The following CYP19A1 variants were observed in gnomAD, a reference collection of about 807,000 sequenced individuals.
The protein encoded by CYP19A1 is cytochrome P450 family 19 subfamily A member 1, also known as aromatase.
In CYP19A1, 32 loss-of-function variants were observed where a neutral mutation model predicts 44.4. The observed-to-expected ratio is 0.72, with a 90% CI of 0.54 to 0.97. The LOEUF (loss-of-function observed/expected upper bound fraction) is 0.97, where lower values mean the gene tolerates loss of function less well. CYP19A1 is among the 50% of genes least tolerant of loss of function. The probability of loss-of-function intolerance (pLI) is 0.00; values close to 1 mark genes in which losing one functional copy is unlikely to be tolerated. For synonymous variants in CYP19A1, 212 were observed against 215.6 expected, an observed-to-expected ratio of 0.98 and a Z score of 0.14; for missense variants, 598 against 637.8, an observed-to-expected ratio of 0.94 and a Z score of 0.67.
intron 1 of CYP19A1, chr15:51,255,614 G>A (rs1203927356): frequency 6.6e-6 from 1 of 152,210 alleles, no homozygotes; most frequent in Non-Finnish European, 1.5e-5. Context: ...TGCTGGAATG[G>A]AAACTGTCCA....
At chr15:51,225,390 A>G (rs967516756) in intron 4 of CYP19A1, among the ~76,000 whole-genome samples, 1 of 152,246 alleles carries the variant, frequency 6.6e-6, no homozygotes, top group African/African-American at 2.4e-5. Flanking sequence ...AGTCAAATGT[A>G]CATTTCTACG....
At chr15:51,221,424 T>C (rs2032066888) in intron 5 of CYP19A1, 1 of 152,154 alleles carries the variant, frequency 6.6e-6, no homozygotes, top group South Asian at 2.1e-4. Flanking sequence ...ACTTTCCAGG[T>C]TAGTGTGTGG....
chr15:51,270,975 A>C (rs1009029786), intron 1 of CYP19A1, among the ~76,000 whole-genome samples: 1 of 151,808 alleles, frequency 6.6e-6, no homozygotes, highest in African/African-American at 2.4e-5. Context: ...GTTCCTCCCA[A>C]ATTGCTTTCT....
At chr15:51,241,084 A>G (rs1396713277) in intron 2 of CYP19A1, among the ~76,000 whole-genome samples, 1 of 152,196 alleles carries the variant, frequency 6.6e-6, no homozygotes, top group Non-Finnish European at 1.5e-5. Flanking sequence ...TCACTGTGCT[A>G]CTTGATCTGA....
chr15:51,209,776 T>TTTG lies in CYP19A1; in HGVS notation c.*1031_*1032insCAA, dbSNP rs2030751143. Reference sequence around the variant, plus strand: ...TCTGTTGCCCTTGGCTTTGGGGTCATGGGAAGAAAGAGGGAGAAAATGTCG... The same window carrying TTTG: ...TCTGTTGCCCTTGGCTTTGGGGTCATTTGGGGAAGAAAGAGGGAGAAAATGTCG... On this transcript the variant is annotated 3_prime_UTR_variant, in exon 10 of 10. Transcript: ENST00000396402. The TTTG allele has an allele frequency of 1.3e-5, 2 of 153,364 alleles. No individual in the cohort carries two copies. Among genetic ancestry groups the TTTG allele is most frequent in the African/African-American group, 4.8e-5 (2 of 41,384 alleles). 9.5% of individuals were successfully genotyped at this position (153,364 alleles called of 1,614,324 possible). A position where few individuals can be genotyped will look rare whatever the true frequency, so the allele number is the denominator to read the frequency against.
At chr15:51,265,127 A>G (rs2034869848) in intron 1 of CYP19A1, among the ~76,000 whole-genome samples, 1 of 152,176 alleles carries the variant, frequency 6.6e-6, no homozygotes, top group African/African-American at 2.4e-5. Flanking sequence ...AACTGGGCCT[A>G]ACTTCCCAAG....
intron 1 of CYP19A1, among the ~76,000 whole-genome samples, chr15:51,256,916 TG>T (rs1361610688): frequency 6.6e-6 from 1 of 152,198 alleles, no homozygotes; most frequent in Non-Finnish European, 1.5e-5. Flanking sequence ...AGATGATGGG[TG>T]GGCAGTGGGT....
rs56031622 is a variant in CYP19A1, at chr15:51,286,676, C to T, written c.-38-43726G>A. ...TGAGTACCCCCTTAAGAAGATACCACCACCTCCTCCATTCTACTCTCACCC... is the reference window on the plus strand; with the variant it reads ...TGAGTACCCCCTTAAGAAGATACCATCACCTCCTCCATTCTACTCTCACCC... On this transcript the variant is annotated intron_variant, in intron 1 of 9. Coordinates refer to ENST00000396402, the MANE Select transcript of CYP19A1 (RefSeq NM_000103.4). Among the ~76,000 whole-genome samples, 204 of 152,302 alleles carry T rather than the reference C, an allele frequency of 1.3e-3. No homozygotes were observed. In the Middle Eastern group the frequency reaches 0.014, roughly 10 times the overall value.
chr15:51,334,279 G>A (rs181476202), intron 1 of CYP19A1, among the ~76,000 whole-genome samples: 1 of 152,310 alleles, frequency 6.6e-6, no homozygotes, highest in Admixed American at 6.5e-5. Context: ...GAACGTTGAT[G>A]AGGTTTCAAC....
chr15:51,303,887 A>C (rs2036163021), intron 1 of CYP19A1, among the ~76,000 whole-genome samples: 1 of 152,194 alleles, frequency 6.6e-6, no homozygotes, highest in Admixed American at 6.5e-5. Flanking sequence ...GCTGAGGATG[A>C]TACATGGGAC....
intron 1 of CYP19A1, among the ~76,000 whole-genome samples, chr15:51,307,193 G>A (rs2036231426): frequency 6.6e-6 from 1 of 152,206 alleles, no homozygotes; most frequent in South Asian, 2.1e-4. Context: ...GTTTGGATTG[G>A]TGGCAGGGAG....
chr15:51,230,174 T>C (rs2032916624), intron 3 of CYP19A1, among the ~76,000 whole-genome samples: 3 of 152,140 alleles, frequency 2.0e-5, no homozygotes, highest in Admixed American at 1.3e-4. Flanking sequence ...CTAACCAGAG[T>C]AAATCAGAAA....
chr15:51,268,113 G>A (rs1368345343), intron 1 of CYP19A1, among the ~76,000 whole-genome samples: 8 of 152,096 alleles, frequency 5.3e-5, no homozygotes, highest in Non-Finnish European at 1.2e-4. Context: ...AAAGGACTTC[G>A]CCAAAGCATA....
intron 1 of CYP19A1, among the ~76,000 whole-genome samples, chr15:51,301,742 G>A (rs1327373535): frequency 6.6e-6 from 1 of 152,152 alleles, no homozygotes; most frequent in Non-Finnish European, 1.5e-5. Context: ...GGTTACTGCT[G>A]GCTAAATTCA....
At chr15:51,317,489 A>G (rs544997415) in intron 1 of CYP19A1, among the ~76,000 whole-genome samples, 10 of 152,218 alleles carry the variant, frequency 6.6e-5, no homozygotes, top group Non-Finnish European at 1.2e-4. Context: ...TGAGAAAACA[A>G]TGATCTGCTT....
At chr15:51,252,218 C>G (rs985542057) in intron 1 of CYP19A1, among the ~76,000 whole-genome samples, 2 of 152,146 alleles carry the variant, frequency 1.3e-5, no homozygotes, top group African/African-American at 4.8e-5. Context: ...TCTAAGGATC[C>G]AGTGAACGTG....
chr15:51,236,865 A>C lies in CYP19A1; in HGVS notation c.290T>G (p.Ile97Ser). 2.5e-6 allele frequency: 4 copies of C among 1,614,204 alleles called. No homozygotes were observed. Among genetic ancestry groups the C allele is most frequent in the Non-Finnish European group, 3.4e-6 (4 of 1,180,018 alleles). The change falls in exon 3 of 10, where the codon ATC becomes AGC. Residue 97 changes from isoleucine to serine, a missense_variant. Coordinates refer to ENST00000396402, the MANE Select transcript of CYP19A1 (RefSeq NM_000103.4). ...VWISGEETLI[I>S]SKSSSMFHIM... ...CGATTATGAACAGACTCACTTGCTG[A>C]TAATGAGTGTTTCCTCTCCAGAGAT...
At chr15:51,245,253 A>C (rs1023224557) in intron 1 of CYP19A1, among the ~76,000 whole-genome samples, 1 of 152,238 alleles carries the variant, frequency 6.6e-6, no homozygotes, top group African/African-American at 2.4e-5. Flanking sequence ...CTCGTTTCTC[A>C]TCTTCCTCAA....
intron 2 of CYP19A1, among the ~76,000 whole-genome samples, chr15:51,240,100 C>T (rs111754049): frequency 2.8e-3 from 374 of 135,064 alleles, no homozygotes; most frequent in African/African-American, 9.7e-3. Flanking sequence ...TGACCCTTTC[C>T]TCAGGACTTT....
Sources: gnomAD v4.1 joint callset for allele counts (sites outside exome capture counted in the v4.1 genomes callset) on GRCh38, gnomAD v4.1.1 for gene constraint, MANE v1.5 for transcripts, NCBI Gene and HGNC (gene_info 2026-07-23, HGNC 2026-07-21) for gene names.